Variants in ADARB2 observed in about 807,000 individuals in gnomAD.
ADARB2 encodes inactive double-stranded RNA-specific editase B2.
A neutral mutation model predicts 62.2 loss-of-function variants in ADARB2; 25 were observed. The observed-to-expected ratio is 0.40, with a 90% CI of 0.29 to 0.56. The LOEUF is 0.56. Ranked by LOEUF, ADARB2 falls within the 20% of genes least tolerant of loss-of-function variation. The pLI is 0.43. For synonymous variants in ADARB2, 572 were observed against 500.8 expected, an observed-to-expected ratio of 1.14 and a Z score of -1.90; for missense variants, 1,071 against 1,077.4, an observed-to-expected ratio of 0.99 and a Z score of 0.08.
intron 4 of ADARB2, among the ~76,000 whole-genome samples, chr10:1,252,303 A>C (rs1004150463): frequency 3.3e-5 from 5 of 152,272 alleles, no homozygotes; most frequent in East Asian, 3.8e-4. Flanking sequence ...TTTTTACTCC[A>C]CATGTAGACT....
chr10:1,644,300 T>G (rs1369353920), intron 1 of ADARB2, among the ~76,000 whole-genome samples: 1 of 152,222 alleles, frequency 6.6e-6, no homozygotes, highest in East Asian at 1.9e-4. Context: ...TCCATCAATG[T>G]CCCCGAGCTG....
intron 2 of ADARB2, among the ~76,000 whole-genome samples, chr10:1,375,176 G>A (rs1318913360): frequency 6.6e-6 from 1 of 152,192 alleles, no homozygotes; most frequent in African/African-American, 2.4e-5. Context: ...CCTTTGTGCC[G>A]GGCAGCCTTG....
intron 1 of ADARB2, among the ~76,000 whole-genome samples, chr10:1,672,892 TACTC>T (rs1564364179): frequency 6.6e-6 from 1 of 152,226 alleles, no homozygotes; most frequent in Non-Finnish European, 1.5e-5. Context: ...GGAGAGTAAT[TACTC>T]AGGGTACTGC....
intron 1 of ADARB2, among the ~76,000 whole-genome samples, chr10:1,686,004 G>C (rs1834593014): frequency 6.6e-6 from 1 of 152,256 alleles, no homozygotes. Context: ...TTCCCGGACT[G>C]GCTTCTGTTA....
intron 1 of ADARB2, among the ~76,000 whole-genome samples, chr10:1,539,355 C>T (rs979959654): frequency 3.3e-5 from 5 of 152,212 alleles, no homozygotes; most frequent in East Asian, 1.9e-4. Flanking sequence ...CACTCCACAG[C>T]GGCTGGTGCC....
chr10:1,685,977 A>G lies in ADARB2; in HGVS notation c.100+51074T>C, dbSNP rs536820488. ...GCCTGGCTTGGACACTCCCACACCCACTCCAGTGGCTCAGCCTTCCCGGAC... is the reference window on the plus strand; with the variant it reads ...GCCTGGCTTGGACACTCCCACACCCGCTCCAGTGGCTCAGCCTTCCCGGAC... On this transcript the variant is annotated intron_variant, in intron 1 of 9. Transcript: ENST00000381312. 4.6e-5 allele frequency among the ~76,000 whole-genome samples: 7 copies of G among 152,206 alleles called. No homozygotes were observed. The East Asian group carries it at 1.4e-3, about 29-fold the overall frequency.
At chr10:1,313,991 T>C (rs1281546175) in intron 3 of ADARB2, among the ~76,000 whole-genome samples, 3 of 152,164 alleles carry the variant, frequency 2.0e-5, no homozygotes, top group African/African-American at 7.2e-5. Context: ...TGCAGGGCAA[T>C]CTCCAGCCTC....
intron 1 of ADARB2, chr10:1,535,538 T>G (rs1475899427): frequency 6.0e-6 from 1 of 167,114 alleles, no homozygotes; most frequent in African/African-American, 2.4e-5. Flanking sequence ...CTTTGGAAAT[T>G]GTAACAAATT....
At chr10:1,616,267 A>G (rs1245794231) in intron 1 of ADARB2, among the ~76,000 whole-genome samples, 1 of 152,238 alleles carries the variant, frequency 6.6e-6, no homozygotes, top group East Asian at 1.9e-4. Flanking sequence ...CTGCTGCTAG[A>G]ACTTTGTATT....
intron 6 of ADARB2, among the ~76,000 whole-genome samples, chr10:1,229,785 CAT>C (rs762849107): frequency 1.3e-4 from 3 of 23,810 alleles, no homozygotes; most frequent in East Asian, 5.7e-4. Context: ...CTTCTGTGTA[CAT>C]GTGTTTATGT....
At chr10:1,471,327 T>C (rs984122237) in intron 1 of ADARB2, among the ~76,000 whole-genome samples, 1 of 152,196 alleles carries the variant, frequency 6.6e-6, no homozygotes, top group East Asian at 1.9e-4. Flanking sequence ...GGACGGCAGC[T>C]AATTGCCCTT....
chr10:1,538,959 G>A (rs1278054911), intron 1 of ADARB2, among the ~76,000 whole-genome samples: 4 of 152,212 alleles, frequency 2.6e-5, no homozygotes, highest in Non-Finnish European at 5.9e-5. Context: ...GTCTCAGAGG[G>A]TGCAGGCGTC....
intron 1 of ADARB2, among the ~76,000 whole-genome samples, chr10:1,412,648 G>T (rs1210527177): frequency 1.3e-5 from 2 of 152,126 alleles, no homozygotes; most frequent in African/African-American, 2.4e-5. Context: ...GCAACTGAAG[G>T]CTTCCGAGGG....
chr10:1,433,295 G>C (rs1051954740), intron 1 of ADARB2, among the ~76,000 whole-genome samples: 10 of 152,302 alleles, frequency 6.6e-5, no homozygotes, highest in African/African-American at 2.4e-4. Context: ...TTGCATGCAT[G>C]GAAGTGCTGC....
intron 1 of ADARB2, among the ~76,000 whole-genome samples, chr10:1,508,518 G>C (rs911350332): frequency 6.6e-6 from 1 of 152,174 alleles, no homozygotes; most frequent in South Asian, 2.1e-4. Context: ...AGTGGCTCAC[G>C]CCTGTAATCC....
At chr10:1,634,466 C>T (rs549122475) in intron 1 of ADARB2, among the ~76,000 whole-genome samples, 20 of 152,282 alleles carry the variant, frequency 1.3e-4, no homozygotes, top group Admixed American at 2.6e-4. Flanking sequence ...GAGGGGCGGC[C>T]GGCTGGCCCT....
rs1176297261 is a variant in ADARB2 at position 1,195,083 on chromosome 10, G to T, written c.1864+4883C>A. 2.6e-5 allele frequency among the ~76,000 whole-genome samples: 4 copies of T among 152,308 alleles called. No individual in the cohort carries two copies. The South Asian group carries it at 8.3e-4, about 32-fold the overall frequency. ...CCACCTTGGCCCTGGGAGGCAGGCCGACCCGCCCCCTTAGCCTCCCGTGGG... is the reference window on the plus strand; with the variant it reads ...CCACCTTGGCCCTGGGAGGCAGGCCTACCCGCCCCCTTAGCCTCCCGTGGG... On this transcript the variant is annotated intron_variant, in intron 8 of 9. Transcript: ENST00000381312.
intron 3 of ADARB2, among the ~76,000 whole-genome samples, chr10:1,342,606 G>T (rs1292249942): frequency 6.6e-6 from 1 of 152,150 alleles, no homozygotes; most frequent in African/African-American, 2.4e-5. Flanking sequence ...GGGGTGGAAA[G>T]TCTCAGCCTC....
intron 1 of ADARB2, chr10:1,535,716 C>A (rs1345873060): frequency 6.0e-6 from 1 of 167,238 alleles, no homozygotes; most frequent in African/African-American, 2.4e-5. Flanking sequence ...GTCGACATAA[C>A]TCACCCTGTC....
Sources: allele counts gnomAD v4.1 joint callset (sites outside exome capture counted in the v4.1 genomes callset), GRCh38; gene constraint gnomAD v4.1.1; transcripts MANE v1.5; gene names NCBI Gene and HGNC (gene_info 2026-07-23, HGNC 2026-07-21).